OCA2: variants seen among roughly 807,000 people sequenced by gnomAD.
The protein encoded by OCA2 is OCA2 melanosomal transmembrane protein.
In OCA2, 77 loss-of-function variants were observed where a neutral mutation model predicts 100.2. The ratio of observed to expected loss-of-function variants is 0.77; its 90% CI spans 0.64 to 0.93. The LOEUF is 0.93. Ranked by LOEUF, OCA2 falls within the 40% of genes least tolerant of loss-of-function variation. The pLI, the probability that OCA2 is intolerant of heterozygous loss-of-function variation, is 0.00. For missense variants in OCA2, 1,062 were observed against 1,089.1 expected (o/e 0.98, Z 0.35); for synonymous variants, 432 against 439.2 (o/e 0.98, Z 0.21).
At chr15:28,019,089 G>A (rs1269573486) in intron 6 of OCA2, among the ~76,000 whole-genome samples, 2 of 152,136 alleles carry the variant, frequency 1.3e-5, no homozygotes, top group African/African-American at 4.8e-5. Flanking sequence ...CTAGGAGGGT[G>A]GGGAAACAGT....
chr15:27,770,720 T>C (rs2031669484), intron 23 of OCA2, among the ~76,000 whole-genome samples: 1 of 139,396 alleles, frequency 7.2e-6, no homozygotes, highest in African/African-American at 2.5e-5. Context: ...CCCGCTCCTT[T>C]CTTACTTCCC....
At chr15:27,777,576 G>T (rs1437775442) in intron 23 of OCA2, among the ~76,000 whole-genome samples, 1 of 152,174 alleles carries the variant, frequency 6.6e-6, no homozygotes, top group South Asian at 2.1e-4. Context: ...ATGCTGTTTG[G>T]CTTGTCCATG....
At chr15:28,088,433 T>G (rs566014101) in intron 1 of OCA2, among the ~76,000 whole-genome samples, 2 of 152,322 alleles carry the variant, frequency 1.3e-5, no homozygotes, top group Admixed American at 6.5e-5. Context: ...GTAACATGTA[T>G]ATATACTTTA....
chr15:27,820,517 T>C (rs1293688579), intron 23 of OCA2, among the ~76,000 whole-genome samples: 1 of 152,208 alleles, frequency 6.6e-6, no homozygotes, highest in Non-Finnish European at 1.5e-5. Context: ...ACATGACCGA[T>C]AGACCTCAAA....
chr15:27,804,512 T>A (rs1371301297), intron 23 of OCA2, among the ~76,000 whole-genome samples: 1 of 152,190 alleles, frequency 6.6e-6, no homozygotes, highest in Non-Finnish European at 1.5e-5. Flanking sequence ...CTTAGGAATA[T>A]AAAAAGGGAA....
At chr15:27,791,043 C>T (rs1330867423) in intron 23 of OCA2, among the ~76,000 whole-genome samples, 1 of 151,976 alleles carries the variant, frequency 6.6e-6, no homozygotes, top group Non-Finnish European at 1.5e-5. Flanking sequence ...CCTGCCTCTG[C>T]CTCTCAAAGT....
At chr15:27,953,671 G>C (rs138347630) in intron 17 of OCA2, among the ~76,000 whole-genome samples, 10 of 152,160 alleles carry the variant, frequency 6.6e-5, no homozygotes, top group African/African-American at 9.7e-5. Flanking sequence ...TGCAGCTCAT[G>C]GAAGTGGAGG....
At chr15:27,965,840 T>G (rs887233092) in intron 15 of OCA2, among the ~76,000 whole-genome samples, 1 of 152,238 alleles carries the variant, frequency 6.6e-6, no homozygotes, top group Admixed American at 6.5e-5. Flanking sequence ...TCCTAATATA[T>G]TCTAATCAGT....
At chr15:27,913,245 T>C (rs1567096566) in intron 19 of OCA2, among the ~76,000 whole-genome samples, 1 of 152,188 alleles carries the variant, frequency 6.6e-6, no homozygotes, top group Non-Finnish European at 1.5e-5. Flanking sequence ...CACGGTTGTA[T>C]AATTTTTAAC....
chr15:27,851,891 C>T (rs985141328), intron 21 of OCA2, among the ~76,000 whole-genome samples: 2 of 152,152 alleles, frequency 1.3e-5, no homozygotes, highest in Non-Finnish European at 2.9e-5. Context: ...GATGAGGAGA[C>T]CAGGATGCAG....
chr15:27,751,363 T>C (rs547199363), downstream of OCA2, among the ~76,000 whole-genome samples: 32 of 152,282 alleles, frequency 2.1e-4, no homozygotes, highest in East Asian at 6.2e-3. Context: ...CATGAGGAAG[T>C]TGCCCATCTC....
intron 1 of OCA2, among the ~76,000 whole-genome samples, chr15:28,089,507 A>G (rs2044836610): frequency 6.6e-6 from 1 of 152,194 alleles, no homozygotes; most frequent in African/African-American, 2.4e-5. Context: ...TTCTTCTACC[A>G]TGGCTTCAGC....
chr15:27,749,152 A>G, the OCA2 span, among the ~76,000 whole-genome samples: 159 of 152,340 alleles, frequency 1.0e-3, 3 homozygotes, highest in East Asian at 0.028. Context: ...AAAGAAATCC[A>G]TACTAAGCCA....
At chr15:28,094,469 C>G (rs1428765017) in intron 1 of OCA2, among the ~76,000 whole-genome samples, 2 of 152,180 alleles carry the variant, frequency 1.3e-5, no homozygotes, top group Non-Finnish European at 2.9e-5. Flanking sequence ...TCCAGGTCCT[C>G]CCCGCGATGG....
At chr15:27,877,850 T>C (rs535848114) in intron 19 of OCA2, among the ~76,000 whole-genome samples, 1 of 152,018 alleles carries the variant, frequency 6.6e-6, no homozygotes, top group African/African-American at 2.4e-5. Context: ...ATTATTGATA[T>C]AGCTGCATTC....
intron 9 of OCA2, among the ~76,000 whole-genome samples, chr15:28,004,773 A>C (rs552236857): frequency 6.7e-6 from 1 of 149,440 alleles, no homozygotes; most frequent in South Asian, 2.1e-4. Flanking sequence ...TCACACACAC[A>C]CCCTCGCTGT....
At chr15:27,722,672 TTTTC>T in the OCA2 span, among the ~76,000 whole-genome samples, 38 of 150,470 alleles carry the variant, frequency 2.5e-4, no homozygotes, top group Admixed American at 6.6e-4. Context: ...CTTTCCTTTC[TTTTC>T]TTTCTTTCTT....
intron 2 of OCA2, among the ~76,000 whole-genome samples, chr15:28,059,417 GC>G (rs2043803560): frequency 6.6e-6 from 1 of 152,166 alleles, no homozygotes; most frequent in Non-Finnish European, 1.5e-5. Flanking sequence ...GGTGGCCCTT[GC>G]CTGTAATCCC....
At chr15:27,978,371 A>G (rs2041035990) in intron 14 of OCA2, among the ~76,000 whole-genome samples, 1 of 152,136 alleles carries the variant, frequency 6.6e-6, no homozygotes, top group Admixed American at 6.5e-5. Flanking sequence ...TTGTTCTTTC[A>G]ATTATTGTGA....
Sources: allele counts gnomAD v4.1 joint callset (sites outside exome capture counted in the v4.1 genomes callset), GRCh38; gene constraint gnomAD v4.1.1; transcripts MANE v1.5; gene names NCBI Gene and HGNC (gene_info 2026-07-23, HGNC 2026-07-21).